The following CA10 variants were observed in gnomAD, a reference collection of about 807,000 sequenced individuals.
The protein encoded by CA10 is carbonic anhydrase-related protein 10.
A neutral mutation model predicts 44.2 loss-of-function variants in CA10; 14 were observed. That is an observed-to-expected ratio of 0.32 (90% CI 0.21 to 0.50). The LOEUF (loss-of-function observed/expected upper bound fraction) is 0.50. Ranked by LOEUF, CA10 falls within the 20% of genes least tolerant of loss-of-function variation. The probability of loss-of-function intolerance (pLI) is 0.99; values close to 1 mark genes in which losing one functional copy is unlikely to be tolerated. For missense variants in CA10, 350 were observed against 409.7 expected, an observed-to-expected ratio of 0.85 and a Z score of 1.26; for synonymous variants, 159 against 141.6, an observed-to-expected ratio of 1.12 and a Z score of -0.87.
chr17:51,977,220 C>T (rs1213880486), intron 2 of CA10, among the ~76,000 whole-genome samples: 1 of 151,666 alleles, frequency 6.6e-6, no homozygotes, highest in African/African-American at 2.4e-5. Flanking sequence ...CAAATCCAGA[C>T]AAAGGGGAAA....
intron 4 of CA10, among the ~76,000 whole-genome samples, chr17:51,692,835 A>T (rs1915263442): frequency 6.6e-6 from 1 of 152,232 alleles, no homozygotes; most frequent in African/African-American, 2.4e-5. Context: ...TGAATTGACC[A>T]GTTTCAACTG....
chr17:52,148,874 G>T (rs979293482), intron 1 of CA10, among the ~76,000 whole-genome samples: 4 of 152,086 alleles, frequency 2.6e-5, no homozygotes, highest in African/African-American at 9.7e-5. Flanking sequence ...CCTCATAGGA[G>T]GCATTTGTTA....
At chr17:51,841,915 A>G (rs1251232222) in intron 3 of CA10, among the ~76,000 whole-genome samples, 1 of 152,202 alleles carries the variant, frequency 6.6e-6, no homozygotes, top group African/African-American at 2.4e-5. Flanking sequence ...CATGCCAATG[A>G]CAAGAGGAAG....
chr17:51,894,821 C>A lies in CA10; in HGVS notation c.279+36169G>T, dbSNP rs1346122022. 2.0e-5 allele frequency among the ~76,000 whole-genome samples: 3 copies of A among 152,096 alleles called. No individual in the cohort carries two copies. In the East Asian group the frequency reaches 5.8e-4, roughly 29 times the overall value. ...AGAACAGACTCAATAGACCCAATAA[C>A]TCTGTAGTGAGAAATCACAAGGAAA... is the stretch of plus-strand genomic sequence containing the variant. On this transcript the variant is annotated intron_variant, in intron 3 of 8. Coordinates refer to ENST00000451037, the MANE Select transcript of CA10 (RefSeq NM_020178.5).
intron 2 of CA10, among the ~76,000 whole-genome samples, chr17:51,992,092 T>G (rs1198973623): frequency 6.6e-6 from 1 of 152,150 alleles, no homozygotes; most frequent in East Asian, 1.9e-4. Flanking sequence ...GGTTCTGGTT[T>G]TTAAAGATCT....
intron 2 of CA10, among the ~76,000 whole-genome samples, chr17:52,037,972 A>G (rs1349299051): frequency 6.6e-6 from 1 of 151,130 alleles, no homozygotes. Context: ...CACTCCTTTT[A>G]TTTACCTCCT....
At chr17:51,869,254 A>G (rs963555407) in intron 3 of CA10, among the ~76,000 whole-genome samples, 2 of 152,170 alleles carry the variant, frequency 1.3e-5, no homozygotes, top group African/African-American at 4.8e-5. Context: ...TATGGCCACA[A>G]ATCCAATCAT....
intron 2 of CA10, among the ~76,000 whole-genome samples, chr17:52,064,780 T>C (rs530222402): frequency 1.2e-4 from 18 of 152,328 alleles, no homozygotes; most frequent in African/African-American, 4.1e-4. Flanking sequence ...GATGCTGTCC[T>C]GAGCCAAAGT....
chr17:51,906,534 A>G (rs1981562517), intron 3 of CA10, among the ~76,000 whole-genome samples: 2 of 152,124 alleles, frequency 1.3e-5, no homozygotes, highest in South Asian at 2.1e-4. Flanking sequence ...TTCTAACTAC[A>G]TTCACTCCCT....
At position 52,017,289 on chromosome 17, in the gene CA10, A is replaced by T. The variant is rs986904761; in HGVS notation, c.136+55030T>A. Among the ~76,000 whole-genome samples, 88 of 152,290 alleles carry T rather than the reference A, an allele frequency of 5.8e-4. 1 individual carries two copies. Among genetic ancestry groups the T allele is most frequent in the Non-Finnish European group, 4.7e-4 (32 of 68,014 alleles). ...TTGAATGTCTCAGAGGAAGGCAGGA[A>T]GAAAGATGAAGGAAAGTTTGGAAAT... On this transcript the variant is annotated intron_variant, in intron 2 of 8. Transcript: ENST00000451037.
intron 4 of CA10, among the ~76,000 whole-genome samples, chr17:51,684,232 G>A (rs1914937147): frequency 6.6e-6 from 1 of 152,160 alleles, no homozygotes; most frequent in Non-Finnish European, 1.5e-5. Flanking sequence ...CTTTGAAGAT[G>A]GATTCTGCCC....
At chr17:51,864,367 T>C (rs11867247) in intron 3 of CA10, among the ~76,000 whole-genome samples, 14,949 of 152,210 alleles carry the variant, frequency 0.098, 920 homozygotes, top group African/African-American at 0.18. Context: ...GAGTGAATAA[T>C]AAAAGTCAAG....
chr17:51,930,882 T>C, intron 3 of CA10, 108 bp downstream of exon 3: 1 of 1,311,412 alleles, frequency 7.6e-7, no homozygotes, highest in East Asian at 2.3e-5. Context: ...GTGGTATTCC[T>C]AGGTGGGAGG....
intron 3 of CA10, among the ~76,000 whole-genome samples, chr17:51,824,853 T>C (rs1283249983): frequency 6.6e-6 from 1 of 152,244 alleles, no homozygotes; most frequent in Non-Finnish European, 1.5e-5. Flanking sequence ...GTGACATCTC[T>C]CACTGTTGCT....
At chr17:51,868,501 C>T (rs1354339190) in intron 3 of CA10, among the ~76,000 whole-genome samples, 1 of 152,158 alleles carries the variant, frequency 6.6e-6, no homozygotes, top group African/African-American at 2.4e-5. Context: ...CCAGAACTGA[C>T]CTTATTTTAC....
At chr17:52,017,620 A>G (rs1468652174) in intron 2 of CA10, among the ~76,000 whole-genome samples, 1 of 152,174 alleles carries the variant, frequency 6.6e-6, no homozygotes, top group African/African-American at 2.4e-5. Context: ...ATGCAAAGGC[A>G]TAACTTAAAG....
rs1487494184 is a variant in CA10 at position 51,993,912 on chromosome 17, G to A, written c.137-62780C>T. The stretch of plus-strand genomic sequence containing the variant: ...TTACTAAGTGCCAGATGCTGTGATG[G>A]GTGCTGGCATGCAGAGATAAGGAAC... On this transcript the variant is annotated intron_variant, in intron 2 of 8. Coordinates refer to ENST00000451037, the MANE Select transcript of CA10 (RefSeq NM_020178.5). Among the ~76,000 whole-genome samples the A allele has an allele frequency of 3.3e-5, 5 of 152,026 alleles. No individual in the cohort carries two copies. The East Asian group carries it at 9.7e-4, about 29-fold the overall frequency.
intron 3 of CA10, among the ~76,000 whole-genome samples, chr17:51,795,537 G>A (rs1175908522): frequency 6.6e-6 from 1 of 152,254 alleles, no homozygotes. Context: ...TAGTCAACCA[G>A]AAGATTTAAT....
At chr17:51,659,431 C>T (rs1407841457) in intron 4 of CA10, among the ~76,000 whole-genome samples, 3 of 152,082 alleles carry the variant, frequency 2.0e-5, no homozygotes, top group Non-Finnish European at 2.9e-5. Context: ...TAATTGTGAG[C>T]CAATTCCCAC....
Sources: allele counts gnomAD v4.1 joint callset (sites outside exome capture counted in the v4.1 genomes callset), GRCh38; gene constraint gnomAD v4.1.1; transcripts MANE v1.5; gene names NCBI Gene and HGNC (gene_info 2026-07-23, HGNC 2026-07-21).